STK31: variants seen among roughly 807,000 people sequenced by gnomAD.
STK31 encodes the protein serine/threonine kinase 31, also known as serine/threonine-protein kinase 31.
In STK31, 89 loss-of-function variants were observed where a neutral mutation model predicts 129.7. The ratio of observed to expected loss-of-function variants is 0.69; its 90% CI spans 0.58 to 0.82. The LOEUF (loss-of-function observed/expected upper bound fraction) is 0.82. Ranked by LOEUF, STK31 falls within the 40% of genes least tolerant of loss-of-function variation. The pLI, the probability that STK31 is intolerant of heterozygous loss-of-function variation, is 0.00. For missense variants in STK31, 1,187 were observed against 1,176.4 expected, an observed-to-expected ratio of 1.01 and a Z score of -0.13; for synonymous variants, 448 against 395.3, an observed-to-expected ratio of 1.13 and a Z score of -1.58.
At chr7:23,762,514 A>G (rs1584402977) in intron 10 of STK31, among the ~76,000 whole-genome samples, 1 of 152,178 alleles carries the variant, frequency 6.6e-6, no homozygotes, top group Non-Finnish European at 1.5e-5. Flanking sequence ...ATATGTAATT[A>G]GTAGGAACTT....
At chr7:23,797,332 A>G (rs1218891590) in intron 22 of STK31, among the ~76,000 whole-genome samples, 2 of 152,124 alleles carry the variant, frequency 1.3e-5, no homozygotes, top group Non-Finnish European at 2.9e-5. Flanking sequence ...GCACCACATA[A>G]CACTTATTCA....
intron 17 of STK31, among the ~76,000 whole-genome samples, chr7:23,784,413 G>C (rs1791133795): frequency 6.6e-6 from 1 of 152,090 alleles, no homozygotes; most frequent in Non-Finnish European, 1.5e-5. Flanking sequence ...TTCTAGACTA[G>C]ACTTTAAAAT....
chr7:23,790,517 T>C (rs2128113990), intron 21 of STK31, among the ~76,000 whole-genome samples: 1 of 152,296 alleles, frequency 6.6e-6, no homozygotes, highest in Non-Finnish European at 1.5e-5. Flanking sequence ...AACATGGCAC[T>C]GCTGCTCACT....
chr7:23,808,468 T>C (rs1792860839), intron 22 of STK31, among the ~76,000 whole-genome samples: 1 of 152,020 alleles, frequency 6.6e-6, no homozygotes. Context: ...TACTCCCCAG[T>C]GGGTCCTGCC....
intron 22 of STK31, among the ~76,000 whole-genome samples, chr7:23,804,269 A>AT (rs1318346216): frequency 1.3e-5 from 2 of 151,830 alleles, no homozygotes; most frequent in East Asian, 1.9e-4. Context: ...CCTAAAATGC[A>AT]TTTTTTCCTG....
intron 21 of STK31, among the ~76,000 whole-genome samples, chr7:23,789,372 C>T (rs986469394): frequency 6.6e-6 from 1 of 152,208 alleles, no homozygotes; most frequent in Admixed American, 6.5e-5. Flanking sequence ...AAAGTGGCTA[C>T]ATCATTTTAT....
At chr7:23,826,461 C>T (rs1794157683) in intron 23 of STK31, among the ~76,000 whole-genome samples, 1 of 152,162 alleles carries the variant, frequency 6.6e-6, no homozygotes. Context: ...GCAGATCTTC[C>T]TCCATCCCTT....
At chr7:23,782,295 G>C (rs1452757155) in intron 16 of STK31, among the ~76,000 whole-genome samples, 3 of 151,344 alleles carry the variant, frequency 2.0e-5, no homozygotes, top group African/African-American at 7.3e-5. Context: ...CACATGGTGA[G>C]ACCCCATCTC....
intron 22 of STK31, among the ~76,000 whole-genome samples, chr7:23,805,296 G>C (rs1452690345): frequency 6.6e-6 from 1 of 151,968 alleles, no homozygotes; most frequent in Non-Finnish European, 1.5e-5. Context: ...GGCTGGTCTC[G>C]AACTCCTGAG....
intron 4 of STK31, 107 bp from the exon 5 acceptor site, chr7:23,727,134 A>G: frequency 1.2e-6 from 1 of 830,974 alleles, no homozygotes; most frequent in Non-Finnish European, 2.0e-6. Context: ...TGAGTTATAT[A>G]TAAAGTACTT....
At chr7:23,769,252 A>G (rs551361048) in intron 12 of STK31, 78 bp downstream of exon 12, 9 of 1,314,142 alleles carry the variant, frequency 6.8e-6, no homozygotes, top group Non-Finnish European at 8.0e-6. Flanking sequence ...CGCTTTGTTC[A>G]AGAGCTGACA....
chr7:23,791,455 G>T, intron 22 of STK31: 1 of 252,050 alleles, frequency 4.0e-6, no homozygotes, highest in Non-Finnish European at 6.3e-6. Context: ...GGGACACTGG[G>T]GTCTACTTGA....
At chr7:23,786,421 TAATG>T in intron 18 of STK31, 83 bp from the exon 19 acceptor site, 14 of 1,276,190 alleles carry the variant, frequency 1.1e-5, no homozygotes, top group Non-Finnish European at 1.3e-5. Flanking sequence ...TAACTTAAAA[TAATG>T]AATTATGTTT....
At chr7:23,773,557 C>T (rs1266543146) in intron 15 of STK31, among the ~76,000 whole-genome samples, 4 of 152,098 alleles carry the variant, frequency 2.6e-5, no homozygotes, top group African/African-American at 9.7e-5. Flanking sequence ...GGTATATACC[C>T]AGTAATGGTA....
chr7:23,763,102 A>C (rs953112712), intron 11 of STK31, among the ~76,000 whole-genome samples, 179 bp downstream of exon 11: 1 of 152,056 alleles, frequency 6.6e-6, no homozygotes, highest in Admixed American at 6.6e-5. Flanking sequence ...TTTTGTGGCT[A>C]TGTTTATATG....
intron 3 of STK31, 81 bp from the exon 4 acceptor site, chr7:23,717,396 AAGTT>A: frequency 1.9e-6 from 1 of 516,786 alleles, no homozygotes; most frequent in Non-Finnish European, 2.8e-6. Context: ...AAAATCTTTT[AAGTT>A]TATCATGCTT....
intron 22 of STK31, among the ~76,000 whole-genome samples, chr7:23,800,499 TCATGTTCTCACTCATAAGTGAA>T (rs953186822): frequency 3.2e-4 from 48 of 151,854 alleles, no homozygotes; most frequent in Non-Finnish European, 6.6e-4. Flanking sequence ...ACCAAATACC[TCATGTTCTCACTCATAAGTGAA>T]CATGTTCTCA....
chr7:23,724,405 T>G (rs544753399), intron 4 of STK31, among the ~76,000 whole-genome samples: 1 of 152,282 alleles, frequency 6.6e-6, no homozygotes, highest in South Asian at 2.1e-4. Flanking sequence ...AGAGTCTTAC[T>G]TGAGAAGCAA....
At chr7:23,750,067 T>TCCACCC (rs1554287953) in intron 8 of STK31, among the ~76,000 whole-genome samples, 1 of 90,556 alleles carries the variant, frequency 1.1e-5, no homozygotes, top group Non-Finnish European at 2.3e-5. Flanking sequence ...ATGGTTTGTT[T>TCCACCC]CCCCCCCCGC....
Sources: gnomAD v4.1 joint callset for allele counts (sites outside exome capture counted in the v4.1 genomes callset) on GRCh38, gnomAD v4.1.1 for gene constraint, MANE v1.5 for transcripts, NCBI Gene and HGNC (gene_info 2026-07-23, HGNC 2026-07-21) for gene names.